The following SYNE2 variants were observed in gnomAD, a reference collection of about 807,000 sequenced individuals.
SYNE2 encodes nesprin-2.
SYNE2 carries 431 observed loss-of-function variants against 856.3 expected under a neutral mutation model. The ratio of observed to expected loss-of-function variants is 0.50; its 90% CI spans 0.47 to 0.55. The LOEUF is 0.55. Among genes scored for constraint, SYNE2 ranks in the 20% least tolerant of loss-of-function variants. The pLI, the probability that SYNE2 is intolerant of heterozygous loss-of-function variation, is 0.00. For missense variants in SYNE2, 8,129 were observed against 8,023.2 expected (o/e 1.01, Z -0.50); for synonymous variants, 2,923 against 2,872.3 (o/e 1.02, Z -0.56).
Position 64,007,086 on chromosome 14 carries a change from G to A in SYNE2, c.4441G>A (p.Glu1481Lys). Reference protein sequence around the residue: ...IRLDKVLDEYEEEKRHLQEMA... With the variant: ...IRLDKVLDEYKEEKRHLQEMA... ...ACTGGATAAGGTTCTAGATGAATATGAAGAAGAGAAGAGACATTTACAAGA... is the reference window on the plus strand; with the variant it reads ...ACTGGATAAGGTTCTAGATGAATATAAAGAAGAGAAGAGACATTTACAAGA... The change falls in exon 31 of 116, where the codon GAA becomes AAA. Residue 1481 changes from glutamate to lysine, a missense_variant. Transcript: ENST00000555002. The A allele has an allele frequency of 1.2e-6, 2 of 1,613,730 alleles. No homozygotes were observed. The highest frequency in any genetic ancestry group is 1.1e-5 in the South Asian group (1 of 91,064).
rs1431024618 is a variant in SYNE2, at chr14:63,990,859, G to A, written c.2473-83G>A. On this transcript the variant is annotated intron_variant, in intron 20 of 115. Transcript: ENST00000555002. ...GATATCTAAATATCTTTGTCTAGTGGGAAAATAACAAAGTATTTGTTAACT... is the reference window on the plus strand; with the variant it reads ...GATATCTAAATATCTTTGTCTAGTGAGAAAATAACAAAGTATTTGTTAACT... 5.3e-6 allele frequency: 6 copies of A among 1,130,202 alleles called. No homozygotes were observed. The East Asian group carries it at 1.5e-4, about 28-fold the overall frequency. 70.0% of individuals were successfully genotyped at this position (1,130,202 alleles called of 1,614,324 possible).
chr14:63,997,407 A>G lies in SYNE2; in HGVS notation c.3243+16A>G. ...AACTGAAAAGGTGTTAAATGTGGAT[A>G]ATGTATTTTAGAAGTAAACCCAAAG... is the stretch of plus-strand genomic sequence containing the variant. On this transcript the variant is annotated intron_variant, in intron 25 of 115. Transcript: ENST00000555002. 1 of 1,596,876 alleles carries G rather than the reference A, an allele frequency of 6.3e-7. No homozygotes were observed. Among genetic ancestry groups the G allele is most frequent in the South Asian group, 1.1e-5 (1 of 88,636 alleles).
chr14:63,906,321 T>A (rs941860938), intron 1 of SYNE2, among the ~76,000 whole-genome samples: 1 of 152,180 alleles, frequency 6.6e-6, no homozygotes, highest in South Asian at 2.1e-4. Context: ...GGCTTCATAG[T>A]ATGAGTTAGG....
chr14:64,202,649 G>C, intron 99 of SYNE2, 152 bp from the exon 100 acceptor site: 2 of 927,644 alleles, frequency 2.2e-6, no homozygotes, highest in South Asian at 3.2e-5. Flanking sequence ...GGTGACATGA[G>C]AGTTGTTCTG....
chr14:63,790,683 C>T (rs560358480), intron 1 of SYNE2, among the ~76,000 whole-genome samples: 2 of 152,170 alleles, frequency 1.3e-5, no homozygotes, highest in Non-Finnish European at 2.9e-5. Context: ...AATGAAAGGT[C>T]AGTAGAAGGA....
intron 32 of SYNE2, among the ~76,000 whole-genome samples, chr14:64,014,562 G>C (rs993661250): frequency 6.6e-6 from 1 of 151,896 alleles, no homozygotes; most frequent in African/African-American, 2.4e-5. Context: ...GAGTAGCTGG[G>C]ACTACAGGTG....
intron 91 of SYNE2, 33 bp from the exon 92 acceptor site, chr14:64,167,462 A>C (rs765801822): frequency 6.2e-7 from 1 of 1,614,234 alleles, no homozygotes; most frequent in Admixed American, 1.7e-5. Context: ...TGGCATTGTT[A>C]ACATGGGTGT....
At chr14:64,070,931 T>C (rs1009366346) in intron 52 of SYNE2, 21 bp downstream of exon 52, 1 of 1,613,596 alleles carries the variant, frequency 6.2e-7, no homozygotes, top group African/African-American at 1.3e-5. Flanking sequence ...TGAAAAACTA[T>C]TAAGGACGTG....
rs766369451 is a variant in SYNE2, at chr14:64,027,673, G to GC, written c.6595dup (p.Leu2199ProfsTer16). The GC allele has an allele frequency of 1.2e-6, 2 of 1,614,032 alleles. No homozygotes were observed. The highest frequency in any genetic ancestry group is 1.7e-6 in the Non-Finnish European group (2 of 1,179,930). Reference sequence around the variant, plus strand: ...AGAAAGCCCAAGATTTGACATCCTTGCTAAAGGAGTTAAAATCTCAGGGAA... The same window carrying GC: ...AGAAAGCCCAAGATTTGACATCCTTGCCTAAAGGAGTTAAAATCTCAGGGAA... On this transcript the variant is annotated frameshift_variant, in exon 43 of 116. Coordinates refer to ENST00000555002, the MANE Select transcript of SYNE2 (RefSeq NM_182914.3). LOFTEE classifies it high-confidence loss of function.
chr14:64,098,280 C>T (rs1301529901), intron 62 of SYNE2, 134 bp downstream of exon 62: 3 of 963,388 alleles, frequency 3.1e-6, no homozygotes, highest in Non-Finnish European at 4.8e-6. Flanking sequence ...TGGAAATACT[C>T]AACCTGAGGT....
At chr14:63,862,412 T>C (rs1217640326) in intron 1 of SYNE2, among the ~76,000 whole-genome samples, 1 of 151,426 alleles carries the variant, frequency 6.6e-6, no homozygotes, top group Non-Finnish European at 1.5e-5. Flanking sequence ...TGTTTTGATA[T>C]TTTGTAGAGA....
chr14:63,910,950 G>GT (rs1441157189), intron 2 of SYNE2, among the ~76,000 whole-genome samples: 1 of 152,096 alleles, frequency 6.6e-6, no homozygotes, highest in African/African-American at 2.4e-5. Context: ...CAGATGTCTG[G>GT]TTTTTTTCTG....
At chr14:64,033,533 A>C (rs1334277078) in intron 45 of SYNE2, among the ~76,000 whole-genome samples, 2 of 151,538 alleles carry the variant, frequency 1.3e-5, no homozygotes, top group African/African-American at 4.9e-5. Flanking sequence ...AAAAAATACA[A>C]AAATTAGCCA....
intron 32 of SYNE2, among the ~76,000 whole-genome samples, chr14:64,014,929 T>TTATATATATA (rs372523173): frequency 1.3e-5 from 1 of 78,828 alleles, no homozygotes; most frequent in East Asian, 3.9e-4. Context: ...GTATAATTCC[T>TTATATATATA]TATATATATA....
chr14:63,961,948 T>G (rs1466226786), intron 9 of SYNE2, among the ~76,000 whole-genome samples: 1 of 151,994 alleles, frequency 6.6e-6, no homozygotes, highest in Non-Finnish European at 1.5e-5. Flanking sequence ...CTGAAACAAC[T>G]TTTAGATGGG....
intron 1 of SYNE2, among the ~76,000 whole-genome samples, chr14:63,898,529 C>T (rs990675365): frequency 2.6e-5 from 4 of 152,084 alleles, no homozygotes; most frequent in African/African-American, 9.7e-5. Context: ...CACAGCCACC[C>T]GAGTAGCTGG....
chr14:64,144,387 T>C (rs1422584620), intron 83 of SYNE2, among the ~76,000 whole-genome samples: 1 of 152,166 alleles, frequency 6.6e-6, no homozygotes, highest in Non-Finnish European at 1.5e-5. Flanking sequence ...GAAAACTTAT[T>C]CCTGAAAAAA....
intron 1 of SYNE2, among the ~76,000 whole-genome samples, chr14:63,837,513 A>G (rs958404208): frequency 6.6e-6 from 1 of 152,242 alleles, no homozygotes; most frequent in Non-Finnish European, 1.5e-5. Context: ...GACAACACAC[A>G]GAATTGGAGA....
At chr14:63,904,682 T>C (rs2095384917) in intron 1 of SYNE2, among the ~76,000 whole-genome samples, 1 of 152,196 alleles carries the variant, frequency 6.6e-6, no homozygotes, top group Admixed American at 6.5e-5. Context: ...GCTTGTTGAT[T>C]TCTTTAAGAT....
Sources: gnomAD v4.1 joint callset for allele counts (sites outside exome capture counted in the v4.1 genomes callset) on GRCh38, gnomAD v4.1.1 for gene constraint, MANE v1.5 for transcripts, NCBI Gene and HGNC (gene_info 2026-07-23, HGNC 2026-07-21) for gene names.